Variants in TBC1D22A observed in about 807,000 individuals in gnomAD.
The protein encoded by TBC1D22A is TBC1 domain family member 22A.
A neutral mutation model predicts 60.2 loss-of-function variants in TBC1D22A; 38 were observed. The observed-to-expected ratio is 0.63, with a 90% confidence interval of 0.49 to 0.83. The LOEUF (loss-of-function observed/expected upper bound fraction) is 0.83. Among genes scored for constraint, TBC1D22A ranks in the 40% least tolerant of loss-of-function variants. The pLI is 0.00. For synonymous variants in TBC1D22A, 302 were observed against 281.7 expected, an observed-to-expected ratio of 1.07 and a Z score of -0.72; for missense variants, 628 against 701.0, an observed-to-expected ratio of 0.90 and a Z score of 1.18.
intron 10 of TBC1D22A, among the ~76,000 whole-genome samples, chr22:47,003,942 A>C (rs199991773): frequency 0.25 from 33,866 of 137,474 alleles, 4,277 homozygotes; most frequent in East Asian, 0.28. Context: ...GCCTGTATAC[A>C]CACACCCTAC....
chr22:46,932,273 G>T (rs1352659335), intron 8 of TBC1D22A, among the ~76,000 whole-genome samples: 3 of 152,186 alleles, frequency 2.0e-5, no homozygotes, highest in Admixed American at 2.0e-4. Context: ...CAGGTTGCCC[G>T]TCAAGGCCGT....
At chr22:46,978,380 T>C (rs1403505500) in intron 9 of TBC1D22A, among the ~76,000 whole-genome samples, 1 of 152,278 alleles carries the variant, frequency 6.6e-6, no homozygotes, top group Non-Finnish European at 1.5e-5. Context: ...TTACATATTA[T>C]TATAAGTAAC....
intron 12 of TBC1D22A, among the ~76,000 whole-genome samples, chr22:47,113,747 G>A (rs780056546): frequency 3.1e-4 from 47 of 152,202 alleles, no homozygotes; most frequent in Non-Finnish European, 2.5e-4. Flanking sequence ...GCTTGTGGGC[G>A]GGGTTTCTTC....
chr22:46,920,540 T>G lies in TBC1D22A; in HGVS notation c.1015+8352T>G, dbSNP rs536548016. Among the ~76,000 whole-genome samples the G allele has an allele frequency of 5.9e-5, 9 of 152,350 alleles. No homozygotes were observed. In the East Asian group the frequency reaches 1.7e-3, roughly 29 times the overall value. Reference sequence around the variant, plus strand: ...TTTCATTCCTGATGTGTGCTCTGTTTTCTTTTTTCCTGTTGTGCCTCTCCC... The same window carrying G: ...TTTCATTCCTGATGTGTGCTCTGTTGTCTTTTTTCCTGTTGTGCCTCTCCC... On this transcript the variant is annotated intron_variant, in intron 8 of 12. Coordinates refer to ENST00000337137, the MANE Select transcript of TBC1D22A (RefSeq NM_014346.5).
chr22:46,923,610 G>A (rs2070880502), intron 8 of TBC1D22A, among the ~76,000 whole-genome samples: 1 of 152,254 alleles, frequency 6.6e-6, no homozygotes, highest in East Asian at 1.9e-4. Flanking sequence ...CGGGGCACTT[G>A]CCCGCTCAGC....
intron 12 of TBC1D22A, among the ~76,000 whole-genome samples, chr22:47,118,117 C>T (rs900329526): frequency 1.3e-5 from 2 of 151,168 alleles, no homozygotes; most frequent in Non-Finnish European, 2.9e-5. Flanking sequence ...AGTGAGACTC[C>T]GTCTCAAAAA....
chr22:46,881,868 A>G (rs993868064), intron 5 of TBC1D22A, among the ~76,000 whole-genome samples: 3 of 152,340 alleles, frequency 2.0e-5, no homozygotes, highest in South Asian at 4.1e-4. Context: ...CCAGGCAGTC[A>G]TGCTGCACCA....
intron 4 of TBC1D22A, among the ~76,000 whole-genome samples, chr22:46,861,501 G>A (rs1165832648): frequency 6.6e-6 from 1 of 151,384 alleles, no homozygotes; most frequent in Non-Finnish European, 1.5e-5. Context: ...CCTTTATTCA[G>A]AACTTGCAGG....
intron 7 of TBC1D22A, among the ~76,000 whole-genome samples, chr22:46,896,937 A>C (rs5769214): frequency 0.56 from 85,727 of 151,846 alleles, 26,980 homozygotes; most frequent in Middle Eastern, 0.79. Context: ...TAGGGGTCAG[A>C]AAAGACAGTT....
chr22:47,018,033 G>T (rs117022839), intron 10 of TBC1D22A, among the ~76,000 whole-genome samples: 69 of 152,384 alleles, frequency 4.5e-4, no homozygotes, highest in Non-Finnish European at 8.4e-4. Context: ...GTAATGGGCA[G>T]TCACATTCCC....
At chr22:47,064,744 G>A (rs1017405859) in intron 11 of TBC1D22A, among the ~76,000 whole-genome samples, 31 of 152,302 alleles carry the variant, frequency 2.0e-4, no homozygotes, top group African/African-American at 7.5e-4. Flanking sequence ...GTCCCTCTAA[G>A]TGTCTCCTGT....
intron 4 of TBC1D22A, among the ~76,000 whole-genome samples, chr22:46,801,279 C>A (rs1601920151): frequency 6.6e-6 from 1 of 152,168 alleles, no homozygotes; most frequent in East Asian, 1.9e-4. Flanking sequence ...GTTAAGATAG[C>A]TTTGGAAGAC....
intron 3 of TBC1D22A, among the ~76,000 whole-genome samples, chr22:46,795,648 A>G (rs1309785109): frequency 6.6e-6 from 1 of 152,182 alleles, no homozygotes; most frequent in Non-Finnish European, 1.5e-5. Flanking sequence ...ACTTCAGTAT[A>G]GTGACAATGA....
intron 10 of TBC1D22A, among the ~76,000 whole-genome samples, chr22:47,018,837 G>T (rs911390584): frequency 3.9e-5 from 6 of 152,164 alleles, no homozygotes; most frequent in South Asian, 4.1e-4. Context: ...GGGATCCTCA[G>T]GGCCCTCGCC....
rs1470020328 is a variant in TBC1D22A, at chr22:46,795,746, A to T, written c.461-1698A>T. On this transcript the variant is annotated intron_variant, in intron 3 of 12. Transcript: ENST00000337137. ...CATTAAGCTTTGCAGCAGCACTAGG[A>T]CATGGACTTATGGGCTCTGCTCAGG... Among the ~76,000 whole-genome samples, 4 of 152,348 alleles carry T rather than the reference A, an allele frequency of 2.6e-5. No homozygotes were observed. The East Asian group carries it at 7.7e-4, about 29-fold the overall frequency.
intron 8 of TBC1D22A, chr22:46,915,046 G>A (rs1425380893): frequency 8.4e-6 from 2 of 238,806 alleles, no homozygotes; most frequent in Admixed American, 9.8e-5. Flanking sequence ...TGGAATCCAA[G>A]GTGCAGTGAC....
At chr22:46,792,422 C>A in intron 1 of TBC1D22A, 98 bp from the exon 2 acceptor site, 1 of 1,530,022 alleles carries the variant, frequency 6.5e-7, no homozygotes, top group Non-Finnish European at 9.1e-7. Context: ...TCCTTCAGTC[C>A]TGTGGGTTCC....
chr22:46,765,256 GT>G (rs2083243374), intron 1 of TBC1D22A, among the ~76,000 whole-genome samples: 1 of 152,162 alleles, frequency 6.6e-6, no homozygotes, highest in African/African-American at 2.4e-5. Flanking sequence ...GCTCTTTCAG[GT>G]GGCAGGCTGG....
intron 11 of TBC1D22A, among the ~76,000 whole-genome samples, chr22:47,102,543 A>G (rs766775781): frequency 6.6e-6 from 1 of 152,188 alleles, no homozygotes; most frequent in Non-Finnish European, 1.5e-5. Context: ...CCCATTTTCC[A>G]TAGATGATAT....
Sources: gnomAD v4.1 joint callset for allele counts (sites outside exome capture counted in the v4.1 genomes callset) on GRCh38, gnomAD v4.1.1 for gene constraint, MANE v1.5 for transcripts, NCBI Gene and HGNC (gene_info 2026-07-23, HGNC 2026-07-21) for gene names.